AUH: variants seen among roughly 807,000 people sequenced by gnomAD.
AUH encodes methylglutaconyl-CoA hydratase, mitochondrial.
In AUH, 29 loss-of-function variants were observed where a neutral mutation model predicts 42.3. The ratio of observed to expected loss-of-function variants is 0.69; its 90% CI spans 0.51 to 0.93. The LOEUF is 0.93. AUH is among the 40% of genes least tolerant of loss of function. The pLI, the probability that AUH is intolerant of heterozygous loss-of-function variation, is 0.00. For missense variants in AUH, 452 were observed against 438.1 expected (o/e 1.03, Z -0.28); for synonymous variants, 174 against 166.4 (o/e 1.05, Z -0.35).
chr9:91,303,694 A>T (rs114077974), intron 4 of AUH, among the ~76,000 whole-genome samples: 105 of 152,364 alleles, frequency 6.9e-4, no homozygotes, highest in African/African-American at 2.4e-3. Context: ...GAAATCAAGC[A>T]TTTCAAGGGA....
At chr9:91,265,028 C>A (rs1829895067) in intron 6 of AUH, among the ~76,000 whole-genome samples, 1 of 152,138 alleles carries the variant, frequency 6.6e-6, no homozygotes, top group Non-Finnish European at 1.5e-5. Context: ...TCTCTGAAAT[C>A]TTTTATGATC....
Position 91,361,748 on chromosome 9 carries a change from C to G in AUH, c.142G>C (p.Ala48Pro). 6.5e-7 allele frequency: 1 copy of G among 1,545,556 alleles called. No homozygotes were observed. The highest frequency in any genetic ancestry group is 8.7e-7 in the Non-Finnish European group (1 of 1,145,524). ...GSLAGRRAGP[A>P]IWAQGWVPAA... ...GGTACCCAGCCCTGGGCCCAGATCG[C>G]CGGGCCCGCTCGCCGGCCTGCCAAC... is the stretch of plus-strand genomic sequence containing the variant. The change falls in exon 1 of 10, where the codon GCG becomes CCG. Residue 48 changes from alanine (A) to proline (P), a missense_variant. Physicochemically the swap from Ala to Pro is conservative, Grantham distance 27 (BLOSUM62 -1). Transcript: ENST00000375731.
chr9:91,361,613 G>A lies in AUH; in HGVS notation c.262+15C>T. 2 of 1,574,440 alleles carry A rather than the reference G, an allele frequency of 1.3e-6. No homozygotes were observed. The highest frequency in any genetic ancestry group is 1.7e-6 in the Non-Finnish European group (2 of 1,160,870). On this transcript the variant is annotated intron_variant, in intron 1 of 9. Transcript: ENST00000375731. ...CCGCCCGCTGCCCCGCGCCTGCCCA[G>A]CGTTCGCACCTCACCTCGGTTCTCC...
chr9:91,252,803 C>T (rs1030769302), intron 6 of AUH, among the ~76,000 whole-genome samples: 2 of 152,200 alleles, frequency 1.3e-5, no homozygotes, highest in African/African-American at 4.8e-5. Flanking sequence ...GTAGCATTGA[C>T]CTTTTGACAT....
chr9:91,287,841 T>C (rs1204732157), intron 6 of AUH, among the ~76,000 whole-genome samples: 1 of 152,068 alleles, frequency 6.6e-6, no homozygotes, highest in Non-Finnish European at 1.5e-5. Context: ...ATAATAGTGT[T>C]GATTATGTAA....
chr9:91,339,223 T>A (rs1426853102), intron 3 of AUH, among the ~76,000 whole-genome samples: 1 of 152,210 alleles, frequency 6.6e-6, no homozygotes, highest in East Asian at 1.9e-4. Context: ...TTACAGATGC[T>A]CCTCAACTTA....
intron 5 of AUH, 132 bp downstream of exon 5, chr9:91,297,852 A>G (rs771123032): frequency 9.8e-5 from 77 of 783,320 alleles, no homozygotes; most frequent in Non-Finnish European, 1.5e-4. Flanking sequence ...AAACACCATT[A>G]GGACCAACAA....
chr9:91,296,117 T>G, intron 5 of AUH, 40 bp from the exon 6 acceptor site: 1 of 1,588,194 alleles, frequency 6.3e-7, no homozygotes, highest in Non-Finnish European at 8.6e-7. Flanking sequence ...ATCCATATCA[T>G]CACATTCAAA....
chr9:91,345,337 A>G (rs909137371), intron 3 of AUH, among the ~76,000 whole-genome samples: 43 of 152,326 alleles, frequency 2.8e-4, no homozygotes, highest in African/African-American at 9.6e-4. Context: ...TAAAAAGTGC[A>G]TTTAACAAGG....
chr9:91,244,459 T>A (rs1828688184), intron 6 of AUH, among the ~76,000 whole-genome samples: 1 of 152,244 alleles, frequency 6.6e-6, no homozygotes, highest in Admixed American at 6.5e-5. Context: ...GCTGCAAGTT[T>A]AATAAACATG....
rs1227594907 is a variant in AUH at position 91,228,436 on chromosome 9, TTCTC to T, written c.656-7448_656-7445del. On this transcript the variant is annotated intron_variant, in intron 6 of 9. Coordinates refer to ENST00000375731, the MANE Select transcript of AUH (RefSeq NM_001698.3). ...ATTTTTTATTGCGTCTATTTGATTCTTCTCTCTTTTTTTCTTTATTAGTCTTGCT... is the reference window on the plus strand; with the variant it reads ...ATTTTTTATTGCGTCTATTTGATTCTTCTTTTTTTCTTTATTAGTCTTGCT... 6.1e-5 allele frequency among the ~76,000 whole-genome samples: 9 copies of T among 147,786 alleles called. No individual in the cohort carries two copies. In the South Asian group the frequency reaches 8.8e-4, roughly 14 times the overall value.
chr9:91,226,210 C>A, intron 6 of AUH, among the ~76,000 whole-genome samples: 1 of 151,732 alleles, frequency 6.6e-6, no homozygotes, highest in South Asian at 2.1e-4. Flanking sequence ...TCTCCAGCAC[C>A]TGTTGTTTCC....
rs541311942 is a variant in AUH at position 91,242,716 on chromosome 9, G to T, written c.656-21724C>A. Among the ~76,000 whole-genome samples the T allele has an allele frequency of 5.3e-5, 8 of 152,300 alleles. No individual in the cohort carries two copies. The East Asian group carries it at 1.5e-3, about 29-fold the overall frequency. On this transcript the variant is annotated intron_variant, in intron 6 of 9. Coordinates refer to ENST00000375731, the MANE Select transcript of AUH (RefSeq NM_001698.3). ...ACTTTCATGTTTTCATTAAATGAGG[G>T]TTCTAATAAAAGACTTAAGATGTAA...
At chr9:91,358,635 C>T (rs1220052779) in intron 1 of AUH, among the ~76,000 whole-genome samples, 1 of 152,216 alleles carries the variant, frequency 6.6e-6, no homozygotes, top group Non-Finnish European at 1.5e-5. Flanking sequence ...GAACACCTCT[C>T]ATGCAGTAAG....
Position 91,325,295 on chromosome 9 carries a change from A to G in AUH, c.505+23T>C, listed in dbSNP as rs1178522874. 4 of 1,600,250 alleles carry G rather than the reference A, an allele frequency of 2.5e-6. No homozygotes were observed. The South Asian group carries it at 4.4e-5, about 18-fold the overall frequency. On this transcript the variant is annotated intron_variant, in intron 4 of 9. Coordinates refer to ENST00000375731, the MANE Select transcript of AUH (RefSeq NM_001698.3). ...TTTAAGAACCCCTTCGGCATGCTGA[A>G]AGAAGAACTTAATAGTGCTTACCAA...
chr9:91,310,347 G>C (rs574866148), intron 4 of AUH, among the ~76,000 whole-genome samples: 1 of 152,202 alleles, frequency 6.6e-6, no homozygotes, highest in South Asian at 2.1e-4. Flanking sequence ...TCAGCCTGAA[G>C]ATAAGATGAA....
chr9:91,343,703 G>C (rs1352942750), intron 3 of AUH, among the ~76,000 whole-genome samples: 5 of 152,204 alleles, frequency 3.3e-5, no homozygotes, highest in African/African-American at 1.2e-4. Flanking sequence ...CTGCACTCCA[G>C]CCTGGGTGAC....
chr9:91,235,029 G>A (rs1225772249), intron 6 of AUH, among the ~76,000 whole-genome samples: 2 of 151,894 alleles, frequency 1.3e-5, no homozygotes, highest in East Asian at 3.8e-4. Flanking sequence ...GACCACTGTG[G>A]CTCATAGGAA....
At chr9:91,250,088 A>G (rs1251260304) in intron 6 of AUH, among the ~76,000 whole-genome samples, 1 of 151,868 alleles carries the variant, frequency 6.6e-6, no homozygotes, top group Admixed American at 6.6e-5. Context: ...AAAAAAAATG[A>G]AAAACTTAAA....
Sources: allele counts gnomAD v4.1 joint callset (sites outside exome capture counted in the v4.1 genomes callset), GRCh38; gene constraint gnomAD v4.1.1; transcripts MANE v1.5; gene names NCBI Gene and HGNC (gene_info 2026-07-23, HGNC 2026-07-21).